Variants in PRR16 observed in about 807,000 individuals in gnomAD.
PRR16 encodes the protein protein Largen.
Under a neutral mutation model 18.2 loss-of-function variants are expected in PRR16, and 6 were observed. The ratio of observed to expected loss-of-function variants is 0.33; its 90% CI spans 0.18 to 0.65. PRR16 has a LOEUF of 0.65. Ranked by LOEUF, PRR16 falls within the 30% of genes least tolerant of loss-of-function variation. The pLI is 0.74. For synonymous variants in PRR16, 151 were observed against 147.8 expected (o/e 1.02, Z -0.16); for missense variants, 412 against 376.6 (o/e 1.09, Z -0.78).
chr5:120,646,048 T>TTATATATATATATATATATA (rs10606917), intron 1 of PRR16, among the ~76,000 whole-genome samples: 1,422 of 104,200 alleles, frequency 0.014, 41 homozygotes, highest in Non-Finnish European at 0.02. Flanking sequence ...AATACATATT[T>TTATATATATATATATATATA]TATATATATA....
chr5:120,712,141 A>G, the PRR16 span, among the ~76,000 whole-genome samples: 1 of 152,186 alleles, frequency 6.6e-6, no homozygotes, highest in Non-Finnish European at 1.5e-5. Flanking sequence ...GTATACGTAT[A>G]CATAGTGAAA....
chr5:120,714,676 AG>A, the PRR16 span, among the ~76,000 whole-genome samples: 111 of 152,306 alleles, frequency 7.3e-4, no homozygotes, highest in African/African-American at 2.6e-3. Context: ...TCTACTATAA[AG>A]ACACATGCAC....
At chr5:120,525,817 C>A (rs534459083) in intron 1 of PRR16, among the ~76,000 whole-genome samples, 5 of 152,092 alleles carry the variant, frequency 3.3e-5, no homozygotes, top group African/African-American at 1.2e-4. Context: ...TTCAAAGGGT[C>A]AAGTTGGTGC....
rs1231058557 is a variant in PRR16, at chr5:120,686,936, A to T, written c.*227A>T. Reference sequence around the variant, plus strand: ...AACCTCAGAATGATGAAAAATATGAATGATGCATTGTTTTTGCAATTGACC... The same window carrying T: ...AACCTCAGAATGATGAAAAATATGATTGATGCATTGTTTTTGCAATTGACC... On this transcript the variant is annotated 3_prime_UTR_variant, in exon 2 of 2. Coordinates refer to ENST00000407149, the MANE Select transcript of PRR16 (RefSeq NM_001300783.2). 1 of 351,588 alleles carries T rather than the reference A, an allele frequency of 2.8e-6. No homozygotes were observed. The highest frequency in any genetic ancestry group is 5.0e-6 in the Non-Finnish European group (1 of 198,638). The allele number at this position is 351,588 out of a possible 1,614,324, so 21.8% of individuals were successfully genotyped here.
At chr5:120,649,923 G>T (rs1226047674) in intron 1 of PRR16, among the ~76,000 whole-genome samples, 2 of 151,892 alleles carry the variant, frequency 1.3e-5, no homozygotes, top group Non-Finnish European at 2.9e-5. Context: ...TATTAACTCT[G>T]AATATTATAT....
rs529689335 is a variant in PRR16, at chr5:120,481,452, C to T, written c.159+16807C>T. Reference sequence around the variant, plus strand: ...GGCCCGTTTTAAAATATATCATTGCCGATGTTGTTTCCATGATTAGTATAG... The same window carrying T: ...GGCCCGTTTTAAAATATATCATTGCTGATGTTGTTTCCATGATTAGTATAG... On this transcript the variant is annotated intron_variant, in intron 1 of 1. Transcript: ENST00000407149. Among the ~76,000 whole-genome samples, 99 of 152,084 alleles carry T rather than the reference C, an allele frequency of 6.5e-4. 1 individual carries two copies. In the South Asian group the frequency reaches 0.01, roughly 16 times the overall value.
chr5:120,512,310 C>T (rs1489622494), intron 1 of PRR16, among the ~76,000 whole-genome samples: 1 of 152,082 alleles, frequency 6.6e-6, no homozygotes, highest in Admixed American at 6.6e-5. Flanking sequence ...GGGCTCCAGG[C>T]GACCAAATCC....
the PRR16 span, among the ~76,000 whole-genome samples, chr5:120,721,231 C>G: frequency 6.6e-6 from 1 of 151,950 alleles, no homozygotes; most frequent in Non-Finnish European, 1.5e-5. Flanking sequence ...GTGAACAAAA[C>G]AGAGATTCCT....
the PRR16 span, among the ~76,000 whole-genome samples, chr5:120,784,100 T>G: frequency 5.9e-5 from 9 of 152,212 alleles, no homozygotes; most frequent in Non-Finnish European, 1.3e-4. Flanking sequence ...TTCTTATCCA[T>G]TCATTGGTTG....
At chr5:120,610,832 C>G (rs1754311019) in intron 1 of PRR16, among the ~76,000 whole-genome samples, 1 of 152,040 alleles carries the variant, frequency 6.6e-6, no homozygotes, top group African/African-American at 2.4e-5. Flanking sequence ...GAAAAGATAC[C>G]TGAAATTGTG....
intron 1 of PRR16, among the ~76,000 whole-genome samples, chr5:120,558,177 T>C (rs907159311): frequency 6.6e-6 from 1 of 151,914 alleles, no homozygotes; most frequent in African/African-American, 2.4e-5. Context: ...CTTTTAAATG[T>C]GCAATTTTAA....
intron 1 of PRR16, among the ~76,000 whole-genome samples, chr5:120,499,657 A>G (rs1290205624): frequency 6.6e-6 from 1 of 150,858 alleles, no homozygotes; most frequent in Non-Finnish European, 1.5e-5. Context: ...TTCTACTTCT[A>G]TTATTTTGTT....
chr5:120,774,019 A>G, the PRR16 span, among the ~76,000 whole-genome samples: 1 of 152,088 alleles, frequency 6.6e-6, no homozygotes. Context: ...ATAAAGTCAC[A>G]CTGCAAATGG....
chr5:120,756,528 G>A, the PRR16 span, among the ~76,000 whole-genome samples: 1 of 151,922 alleles, frequency 6.6e-6, no homozygotes, highest in African/African-American at 2.4e-5. Flanking sequence ...TTTTGGATTT[G>A]CATTTCTCTG....
chr5:120,749,284 G>T, the PRR16 span, among the ~76,000 whole-genome samples: 7 of 151,934 alleles, frequency 4.6e-5, no homozygotes, highest in African/African-American at 1.2e-4. Context: ...ATTAAATTGA[G>T]CATTCAAATT....
Position 120,686,558 on chromosome 5 carries a change from C to G in PRR16, c.764C>G (p.Pro255Arg), listed in dbSNP as rs1360173210. ...PHQGPPLPPT[P>R]HLPPFPLENG... Reference sequence around the variant, plus strand: ...CAAGGCCCTCCCCTCCCTCCTACACCCCATCTCCCTCCTTTCCCACTAGAA... The same window carrying G: ...CAAGGCCCTCCCCTCCCTCCTACACGCCATCTCCCTCCTTTCCCACTAGAA... The change falls in exon 2 of 2, where the codon CCC becomes CGC. Residue 255 changes from proline to arginine, a missense_variant. Physicochemically the swap from Pro to Arg is moderately radical, Grantham distance 103 (BLOSUM62 -2). Transcript: ENST00000407149. The G allele has an allele frequency of 6.2e-7, 1 of 1,613,750 alleles. No homozygotes were observed. Among genetic ancestry groups the G allele is most frequent in the South Asian group, 1.1e-5 (1 of 91,036 alleles).
intron 1 of PRR16, among the ~76,000 whole-genome samples, chr5:120,558,709 T>A (rs1171460021): frequency 6.6e-6 from 1 of 151,992 alleles, no homozygotes; most frequent in East Asian, 1.9e-4. Context: ...TTTAGTTTGT[T>A]GAGGAACCTC....
At chr5:120,717,530 AATTT>A in the PRR16 span, among the ~76,000 whole-genome samples, 148,568 of 152,196 alleles carry the variant, frequency 0.98, 72,622 homozygotes, top group East Asian at 1. Context: ...GTGTATCTTC[AATTT>A]ATTTTCTACT....
At chr5:120,539,834 G>T (rs73786516) in intron 1 of PRR16, among the ~76,000 whole-genome samples, 2,747 of 151,470 alleles carry the variant, frequency 0.018, 80 homozygotes, top group African/African-American at 0.063. Context: ...TGAATATTAG[G>T]TTTTTTTTTC....
Sources: gnomAD v4.1 joint callset for allele counts (sites outside exome capture counted in the v4.1 genomes callset) on GRCh38, gnomAD v4.1.1 for gene constraint, MANE v1.5 for transcripts, NCBI Gene and HGNC (gene_info 2026-07-23, HGNC 2026-07-21) for gene names.